Variants in TFCP2 observed in about 807,000 individuals in gnomAD.
TFCP2 encodes the protein transcription factor CP2.
In TFCP2, 33 loss-of-function variants were observed where a neutral mutation model predicts 73.4. That is an observed-to-expected ratio of 0.45 (90% CI 0.34 to 0.60). The LOEUF is 0.60. Among genes scored for constraint, TFCP2 ranks in the 20% least tolerant of loss-of-function variants. The probability of loss-of-function intolerance (pLI) is 0.01; values close to 1 mark genes in which losing one functional copy is unlikely to be tolerated. For missense variants in TFCP2, 352 were observed against 604.0 expected (o/e 0.58, Z 4.37); for synonymous variants, 193 against 211.6 (o/e 0.91, Z 0.76).
chr12:51,125,699 TC>T (rs1725936923), intron 1 of TFCP2, among the ~76,000 whole-genome samples: 1 of 152,232 alleles, frequency 6.6e-6, no homozygotes, highest in Non-Finnish European at 1.5e-5. Flanking sequence ...TGTAATTCTG[TC>T]CTTTGACAGG....
At chr12:51,100,937 C>T (rs1161708621) in intron 11 of TFCP2, among the ~76,000 whole-genome samples, 3 of 152,174 alleles carry the variant, frequency 2.0e-5, no homozygotes, top group Non-Finnish European at 2.9e-5. Context: ...GTTACTACTA[C>T]CTATTTAAAA....
chr12:51,169,885 T>G (rs1430193295), intron 1 of TFCP2, among the ~76,000 whole-genome samples: 1 of 152,240 alleles, frequency 6.6e-6, no homozygotes, highest in Non-Finnish European at 1.5e-5. Flanking sequence ...GAGTATGATT[T>G]GTAAAGAACT....
chr12:51,172,695 T>G lies in TFCP2; in HGVS notation c.-273A>C. 2.8e-6 allele frequency: 1 copy of G among 355,796 alleles called. No individual in the cohort carries two copies. Among genetic ancestry groups the G allele is most frequent in the Non-Finnish European group, 5.3e-6 (1 of 187,426 alleles). 22.0% of individuals were successfully genotyped at this position (355,796 alleles called of 1,614,324 possible). On this transcript the variant is annotated 5_prime_UTR_variant, in exon 1 of 15. Coordinates refer to ENST00000257915, the MANE Select transcript of TFCP2 (RefSeq NM_005653.5). ...ACCCCTTTGCTCAACTACTGCAGACTTCCCAGAGGCAGCTCTGGACTCCCG... is the reference window on the plus strand; with the variant it reads ...ACCCCTTTGCTCAACTACTGCAGACGTCCCAGAGGCAGCTCTGGACTCCCG...
At chr12:51,169,666 T>G (rs1941822500) in intron 1 of TFCP2, among the ~76,000 whole-genome samples, 1 of 152,208 alleles carries the variant, frequency 6.6e-6, no homozygotes, top group African/African-American at 2.4e-5. Context: ...GAAGTTCTAC[T>G]GAGCCGAGAT....
rs191256051 is a variant in TFCP2, at chr12:51,154,804, A to G, written c.122+17497T>C. 1.4e-3 allele frequency among the ~76,000 whole-genome samples: 209 copies of G among 152,322 alleles called. 2 individuals carry two copies. Among genetic ancestry groups the G allele is most frequent in the Middle Eastern group, 0.01 (3 of 294 alleles). On this transcript the variant is annotated intron_variant, in intron 1 of 14. Transcript: ENST00000257915. Reference sequence around the variant, plus strand: ...TGACCTTGGGTAACTGATATCTCAGAAAGTGAAACCTAGGATAAGGGGGAA... The same window carrying G: ...TGACCTTGGGTAACTGATATCTCAGGAAGTGAAACCTAGGATAAGGGGGAA...
intron 1 of TFCP2, among the ~76,000 whole-genome samples, chr12:51,142,798 CT>C (rs1420213425): frequency 1.3e-5 from 2 of 152,148 alleles, no homozygotes; most frequent in Non-Finnish European, 2.9e-5. Context: ...TATTTCCTCA[CT>C]TCCAATTCAT....
Position 51,118,512 on chromosome 12 carries a change from G to A in TFCP2, c.274+109C>T, listed in dbSNP as rs941547232. On this transcript the variant is annotated intron_variant, in intron 2 of 14. Coordinates refer to ENST00000257915, the MANE Select transcript of TFCP2 (RefSeq NM_005653.5). ...AGAGCTTGCAGTGAGCCAAGATGGC[G>A]CCACTACACTCCAGCCTGGGTGACG... 21 of 1,327,582 alleles carry A rather than the reference G, an allele frequency of 1.6e-5. No individual in the cohort carries two copies. The Admixed American group carries it at 2.0e-4, about 12-fold the overall frequency. The allele number at this position is 1,327,582 out of a possible 1,614,324, so 82.2% of individuals were successfully genotyped here. A position where few individuals can be genotyped will look rare whatever the true frequency, so the allele number is the denominator to read the frequency against.
intron 1 of TFCP2, among the ~76,000 whole-genome samples, chr12:51,171,057 T>C (rs1053917484): frequency 1.3e-5 from 2 of 152,190 alleles, no homozygotes; most frequent in Non-Finnish European, 2.9e-5. Context: ...AGGAACTTTA[T>C]ATAACTCTTA....
At chr12:51,163,810 T>C (rs1009792824) in intron 1 of TFCP2, among the ~76,000 whole-genome samples, 4 of 151,818 alleles carry the variant, frequency 2.6e-5, no homozygotes, top group Non-Finnish European at 5.9e-5. Flanking sequence ...CTTAAGTCAA[T>C]ACTCTAACTT....
At chr12:51,157,676 C>CTTTTTTT (rs1565578176) in intron 1 of TFCP2, among the ~76,000 whole-genome samples, 1 of 112,706 alleles carries the variant, frequency 8.9e-6, no homozygotes. Flanking sequence ...TGAGTTTTTT[C>CTTTTTTT]TTTTCTTTTC....
intron 1 of TFCP2, among the ~76,000 whole-genome samples, chr12:51,135,864 T>C (rs1029799825): frequency 6.6e-6 from 1 of 152,196 alleles, no homozygotes; most frequent in Non-Finnish European, 1.5e-5. Flanking sequence ...TCATCACCAC[T>C]ACTGGGGTGA....
At chr12:51,105,593 T>C (rs770805290) in intron 8 of TFCP2, among the ~76,000 whole-genome samples, 1 of 152,240 alleles carries the variant, frequency 6.6e-6, no homozygotes, top group Non-Finnish European at 1.5e-5. Context: ...GATTTTTTTT[T>C]CTTTTAAAAA....
chr12:51,163,485 G>GA (rs1941692310), intron 1 of TFCP2, among the ~76,000 whole-genome samples: 1 of 152,166 alleles, frequency 6.6e-6, no homozygotes, highest in Non-Finnish European at 1.5e-5. Flanking sequence ...AGCTACTTGG[G>GA]AGGCTGAGGC....
chr12:51,109,719 T>G (rs1025222949), intron 5 of TFCP2, among the ~76,000 whole-genome samples: 2 of 104,486 alleles, frequency 1.9e-5, no homozygotes, highest in Non-Finnish European at 3.5e-5. Context: ...TGGTGAATTT[T>G]TTTTTTTTTT....
chr12:51,161,403 G>C (rs1306659430), intron 1 of TFCP2, among the ~76,000 whole-genome samples: 1 of 151,926 alleles, frequency 6.6e-6, no homozygotes, highest in Admixed American at 6.6e-5. Flanking sequence ...GAAATTGGCT[G>C]GGCACAGTGG....
intron 1 of TFCP2, among the ~76,000 whole-genome samples, chr12:51,122,253 C>CTTTTTTTTTTTTTT (rs11347975): frequency 1.1e-4 from 8 of 73,180 alleles, no homozygotes; most frequent in Admixed American, 1.7e-4. Context: ...TTTTTCTTTT[C>CTTTTTTTTTTTTTT]TTTTTTTTTT....
chr12:51,107,833 T>C (rs1269721196), intron 6 of TFCP2, among the ~76,000 whole-genome samples: 2 of 151,874 alleles, frequency 1.3e-5, no homozygotes, highest in Non-Finnish European at 2.9e-5. Context: ...CTTAAACTCC[T>C]GACCTTGTGA....
chr12:51,158,319 A>G (rs560154247), intron 1 of TFCP2, among the ~76,000 whole-genome samples: 1 of 151,702 alleles, frequency 6.6e-6, no homozygotes, highest in Non-Finnish European at 1.5e-5. Context: ...CCTCCATTAT[A>G]ATCTTATAGG....
intron 1 of TFCP2, among the ~76,000 whole-genome samples, chr12:51,126,382 A>G (rs1350448662): frequency 6.6e-6 from 1 of 152,204 alleles, no homozygotes; most frequent in Non-Finnish European, 1.5e-5. Flanking sequence ...TGAAAGAGGA[A>G]CAGAAGCAAT....
Sources: gnomAD v4.1 joint callset for allele counts (sites outside exome capture counted in the v4.1 genomes callset) on GRCh38, gnomAD v4.1.1 for gene constraint, MANE v1.5 for transcripts, NCBI Gene and HGNC (gene_info 2026-07-23, HGNC 2026-07-21) for gene names.